The following VIT variants were observed in gnomAD, a reference collection of about 807,000 sequenced individuals.
The protein encoded by VIT is vitrin.
In VIT, 99 loss-of-function variants were observed where a neutral mutation model predicts 78.0. That is an observed-to-expected ratio of 1.27 (90% CI 1.08 to 1.50). The LOEUF (loss-of-function observed/expected upper bound fraction) is 1.50. Ranked by LOEUF, VIT falls within the 40% of genes most tolerant of loss-of-function variation. The pLI is 0.00. For synonymous variants in VIT, 374 were observed against 334.3 expected (o/e 1.12, Z -1.29); for missense variants, 1,126 against 875.3 (o/e 1.29, Z -3.61).
At chr2:36,803,273 C>T (rs895279533) in intron 13 of VIT, among the ~76,000 whole-genome samples, 5 of 152,238 alleles carry the variant, frequency 3.3e-5, no homozygotes, top group African/African-American at 1.2e-4. Flanking sequence ...GCCTCTGCCT[C>T]ACTTTTATCT....
At chr2:36,722,983 T>C (rs1440682546) in intron 2 of VIT, among the ~76,000 whole-genome samples, 1 of 150,692 alleles carries the variant, frequency 6.6e-6, no homozygotes, top group Non-Finnish European at 1.5e-5. Flanking sequence ...AAATTATGTC[T>C]ATATAAAATA....
At chr2:36,709,290 G>A (rs191485350) in intron 1 of VIT, among the ~76,000 whole-genome samples, 14 of 152,316 alleles carry the variant, frequency 9.2e-5, no homozygotes, top group Non-Finnish European at 1.8e-4. Context: ...TTTGAATCCA[G>A]CTCCTCTTCT....
chr2:36,708,113 C>G (rs935469702), intron 1 of VIT, among the ~76,000 whole-genome samples: 14 of 146,900 alleles, frequency 9.5e-5, no homozygotes, highest in African/African-American at 3.5e-4. Flanking sequence ...AAGGACCTCC[C>G]CCCCCCGCCC....
At position 36,814,184 on chromosome 2, in the gene VIT, A is replaced by T. The variant is rs760998580; in HGVS notation, c.1905A>T (p.Gly635=). 6.2e-7 allele frequency: 1 copy of T among 1,614,174 alleles called. No individual in the cohort carries two copies. Among genetic ancestry groups the T allele is most frequent in the South Asian group, 1.1e-5 (1 of 91,078 alleles). ...RIPAMAAHLK[G]VITYAIGVAW... is the part of the protein sequence containing the mutation. ...TTCATCTAACCTTTGTCCCCACAGG[A>T]GTGATCACCTATGCGATAGGCGTTG... The change falls in exon 16 of 16, where the codon GGA becomes GGT. Residue 635 remains glycine (G), a splice_region_variant and synonymous_variant. Transcript: ENST00000379242.
At chr2:36,811,570 T>C (rs1187825091) in intron 15 of VIT, among the ~76,000 whole-genome samples, 1 of 152,216 alleles carries the variant, frequency 6.6e-6, no homozygotes, top group South Asian at 2.1e-4. Context: ...AAGTCAAGGC[T>C]GGGTGACCAT....
At chr2:36,713,975 A>G (rs1304448626) in intron 1 of VIT, among the ~76,000 whole-genome samples, 1 of 152,272 alleles carries the variant, frequency 6.6e-6, no homozygotes, top group Non-Finnish European at 1.5e-5. Flanking sequence ...TTTCCAAAAT[A>G]TAATCTGGCT....
intron 13 of VIT, among the ~76,000 whole-genome samples, chr2:36,802,416 G>C (rs1437559729): frequency 6.6e-6 from 1 of 152,226 alleles, no homozygotes; most frequent in East Asian, 1.9e-4. Flanking sequence ...GCAGGGAATT[G>C]AGCTGTCTTT....
At chr2:36,792,777 C>A (rs1452140544) in intron 12 of VIT, among the ~76,000 whole-genome samples, 1 of 152,200 alleles carries the variant, frequency 6.6e-6, no homozygotes, top group East Asian at 1.9e-4. Context: ...ACCCCTGACC[C>A]CCACAGTGGC....
chr2:36,803,135 T>C (rs1666451527), intron 13 of VIT, among the ~76,000 whole-genome samples: 1 of 152,124 alleles, frequency 6.6e-6, no homozygotes, highest in African/African-American at 2.4e-5. Flanking sequence ...ACCCACAACA[T>C]GGATCTCCAC....
intron 1 of VIT, among the ~76,000 whole-genome samples, chr2:36,700,470 G>A (rs1001620734): frequency 6.6e-6 from 1 of 152,100 alleles, no homozygotes; most frequent in Admixed American, 6.5e-5. Flanking sequence ...GGACAGGTGT[G>A]GTGGCTCATA....
intron 6 of VIT, among the ~76,000 whole-genome samples, chr2:36,764,662 C>T (rs1004789742): frequency 6.6e-6 from 1 of 152,086 alleles, no homozygotes; most frequent in Non-Finnish European, 1.5e-5. Context: ...AAGAGCAGAC[C>T]GAATGGCTGA....
At chr2:36,780,245 G>C (rs1664658237) in intron 9 of VIT, among the ~76,000 whole-genome samples, 2 of 152,152 alleles carry the variant, frequency 1.3e-5, no homozygotes, top group African/African-American at 4.8e-5. Flanking sequence ...CCTGATGTTG[G>C]GGGACTGTTT....
chr2:36,707,860 G>GAA (rs11362905), intron 1 of VIT, among the ~76,000 whole-genome samples: 86 of 141,232 alleles, frequency 6.1e-4, no homozygotes, highest in South Asian at 1.8e-3. Context: ...ATTTCTTTAG[G>GAA]AAAAAAAAAA....
Position 36,809,131 on chromosome 2 carries a change from G to C in VIT, c.1903+146G>C, listed in dbSNP as rs534619235. The stretch of plus-strand genomic sequence containing the variant: ...GTTCAAAGCCGCAGGGAGGGCATTA[G>C]GGGTAGAAACACTGCAAGCCCCTCT... On this transcript the variant is annotated intron_variant, in intron 15 of 15. Coordinates refer to ENST00000379242, the MANE Select transcript of VIT (RefSeq NM_053276.4). The C allele has an allele frequency of 6.6e-5, 78 of 1,180,328 alleles. No individual in the cohort carries two copies. In the East Asian group the frequency reaches 1.9e-3, roughly 29 times the overall value. 73.1% of individuals were successfully genotyped at this position (1,180,328 alleles called of 1,614,324 possible).
At chr2:36,774,243 CTATGCCA>C (rs201437662) in intron 8 of VIT, among the ~76,000 whole-genome samples, 13,950 of 152,154 alleles carry the variant, frequency 0.092, 704 homozygotes, top group Non-Finnish European at 0.11. Context: ...CTGAGTAATT[CTATGCCA>C]CGGGGGACAG....
intron 5 of VIT, among the ~76,000 whole-genome samples, chr2:36,757,054 T>G (rs76366364): frequency 0.01 from 1,534 of 152,362 alleles, 26 homozygotes; most frequent in African/African-American, 0.032. Flanking sequence ...TTTGTGCTTC[T>G]GCAATGGCTT....
chr2:36,761,352 A>G (rs1244656400), intron 6 of VIT, among the ~76,000 whole-genome samples: 1 of 151,914 alleles, frequency 6.6e-6, no homozygotes, highest in African/African-American at 2.4e-5. Flanking sequence ...CCTTCTGTCC[A>G]CTGGCCTGGG....
chr2:36,709,476 C>G (rs886755297), intron 1 of VIT, among the ~76,000 whole-genome samples: 1 of 152,212 alleles, frequency 6.6e-6, no homozygotes, highest in Non-Finnish European at 1.5e-5. Context: ...ATGCCAGTCT[C>G]CCGCAGGAAG....
chr2:36,738,103 A>AAC (rs1399368750), intron 3 of VIT, among the ~76,000 whole-genome samples: 3 of 152,078 alleles, frequency 2.0e-5, no homozygotes, highest in African/African-American at 4.8e-5. Context: ...TATTCACATA[A>AAC]ACACACACAC....
Sources: gnomAD v4.1 joint callset for allele counts (sites outside exome capture counted in the v4.1 genomes callset) on GRCh38, gnomAD v4.1.1 for gene constraint, MANE v1.5 for transcripts, NCBI Gene and HGNC (gene_info 2026-07-23, HGNC 2026-07-21) for gene names.